Variants in CCDC7 observed in about 807,000 individuals in gnomAD.
CCDC7 encodes the protein coiled-coil domain containing 7.
Under a neutral mutation model 196.9 loss-of-function variants are expected in CCDC7, and 183 were observed. The observed-to-expected ratio is 0.93, with a 90% CI of 0.82 to 1.05. CCDC7 has a LOEUF of 1.05. Ranked by LOEUF, CCDC7 falls within the 50% of genes least tolerant of loss-of-function variation. The probability of loss-of-function intolerance (pLI) is 0.00; values close to 1 mark genes in which losing one functional copy is unlikely to be tolerated. For missense variants in CCDC7, 1,540 were observed against 1,482.2 expected (o/e 1.04, Z -0.64); for synonymous variants, 525 against 484.6 (o/e 1.08, Z -1.10).
At chr10:32,540,812 T>C (rs2051282122) in intron 11 of CCDC7, among the ~76,000 whole-genome samples, 1 of 152,168 alleles carries the variant, frequency 6.6e-6, no homozygotes, top group South Asian at 2.1e-4. Flanking sequence ...ATTTTTTCTT[T>C]CATGTTGACC....
intron 41 of CCDC7, among the ~76,000 whole-genome samples, chr10:32,860,644 T>A (rs553458929): frequency 3.3e-5 from 5 of 152,342 alleles, no homozygotes; most frequent in African/African-American, 1.2e-4. Context: ...GCAGATGACA[T>A]GATTGTATAT....
intron 1 of CCDC7, among the ~76,000 whole-genome samples, chr10:32,452,572 C>G (rs1283127423): frequency 6.6e-6 from 1 of 152,246 alleles, no homozygotes. Context: ...ATTTTCCTGT[C>G]TCAGTCTCCC....
In CCDC7 at chr10:32,729,010, A is replaced by C. The variant is rs181868218; in HGVS notation, c.2779+13A>C. The C allele has an allele frequency of 3.5e-5, 52 of 1,492,538 alleles. No homozygotes were observed. In the Admixed American group the frequency reaches 6.4e-4, roughly 18 times the overall value. The allele number at this position is 1,492,538 out of a possible 1,614,324, so 92.5% of individuals were successfully genotyped here. The stretch of plus-strand genomic sequence containing the variant: ...GAAAGACACAAGAGTGAGTATAATA[A>C]TTATCGATAACTTTAAATTATTTTA... On this transcript the variant is annotated intron_variant, in intron 27 of 41. Transcript: ENST00000639629.
rs1730496950 is a variant in CCDC7, at chr10:32,689,531, T to C, written c.2344+368T>C. Among the ~76,000 whole-genome samples the C allele has an allele frequency of 2.6e-5, 4 of 152,072 alleles. 1 individual carries two copies. Among genetic ancestry groups the C allele is most frequent in the Admixed American group, 2.6e-4 (4 of 15,268 alleles). On this transcript the variant is annotated intron_variant, in intron 23 of 41. Transcript: ENST00000639629. ...CAAAGATATTGCTAAGATCTGCAAC[T>C]CAAAACAGCAAATGGGGATCATAAT...
upstream of CCDC7, among the ~76,000 whole-genome samples, chr10:32,449,407 C>T (rs970470956): frequency 2.0e-5 from 3 of 152,198 alleles, no homozygotes; most frequent in African/African-American, 4.8e-5. Context: ...AGGCTGGTCT[C>T]GAACTCCTGA....
At chr10:32,717,265 C>T (rs1208791011) in intron 25 of CCDC7, among the ~76,000 whole-genome samples, 1 of 152,156 alleles carries the variant, frequency 6.6e-6, no homozygotes, top group Non-Finnish European at 1.5e-5. Flanking sequence ...ACTGAACAAC[C>T]TGCTCCTGAA....
intron 28 of CCDC7, among the ~76,000 whole-genome samples, chr10:32,730,223 C>T (rs2083728329): frequency 6.6e-6 from 1 of 152,028 alleles, no homozygotes; most frequent in East Asian, 1.9e-4. Context: ...TGTTCAACTC[C>T]CATTTATAAG....
At chr10:32,485,348 T>C (rs1418579984) in intron 8 of CCDC7, among the ~76,000 whole-genome samples, 1 of 152,252 alleles carries the variant, frequency 6.6e-6, no homozygotes, top group African/African-American at 2.4e-5. Context: ...ATATCCCCTT[T>C]ATCATTTTTT....
At chr10:32,584,752 CAAAAAAAAAAAA>C (rs749922864) in intron 18 of CCDC7, among the ~76,000 whole-genome samples, 2 of 56,316 alleles carry the variant, frequency 3.6e-5, no homozygotes, top group African/African-American at 1.9e-4. Context: ...CACTTCATCT[CAAAAAAAAAAAA>C]AAAAAAAAAA....
At chr10:32,783,281 C>T (rs1469795476) in intron 29 of CCDC7, among the ~76,000 whole-genome samples, 1 of 152,078 alleles carries the variant, frequency 6.6e-6, no homozygotes, top group African/African-American at 2.4e-5. Context: ...GGCTTAATGT[C>T]TAGAATATAC....
Position 32,845,812 on chromosome 10 carries a change from TAC to T in CCDC7, c.3521-58_3521-57del, listed in dbSNP as rs1215136711. ...ACACACACATACACACACACACAGATACACACAGAGGTATGGTAATGTTTACC... is the reference window on the plus strand; with the variant it reads ...ACACACACATACACACACACACAGATACACAGAGGTATGGTAATGTTTACC... On this transcript the variant is annotated intron_variant, in intron 35 of 41. Coordinates refer to ENST00000639629, the Ensembl canonical transcript of CCDC7. 129 of 1,215,768 alleles carry T rather than the reference TAC, an allele frequency of 1.1e-4. No homozygotes were observed. The South Asian group carries it at 1.6e-3, about 15-fold the overall frequency. 75.3% of individuals were successfully genotyped at this position (1,215,768 alleles called of 1,614,324 possible).
chr10:32,581,579 C>G (rs72795557), intron 16 of CCDC7, among the ~76,000 whole-genome samples: 13,052 of 152,134 alleles, frequency 0.086, 878 homozygotes, highest in South Asian at 0.25. Flanking sequence ...GTTTTTATTC[C>G]TGACCCCCTC....
intron 11 of CCDC7, among the ~76,000 whole-genome samples, chr10:32,535,407 A>T (rs1293121820): frequency 1.3e-5 from 2 of 152,156 alleles, no homozygotes; most frequent in African/African-American, 4.8e-5. Context: ...TTGGTTTTAT[A>T]CATTTTAGGG....
chr10:32,618,220 A>G (rs1322472266), intron 18 of CCDC7, among the ~76,000 whole-genome samples: 1 of 151,870 alleles, frequency 6.6e-6, no homozygotes, highest in East Asian at 1.9e-4. Flanking sequence ...GGAGCATTTA[A>G]CCTATTAAAG....
At chr10:32,597,739 ACAGT>A (rs1031195052) in intron 18 of CCDC7, among the ~76,000 whole-genome samples, 2 of 152,160 alleles carry the variant, frequency 1.3e-5, no homozygotes, top group African/African-American at 4.8e-5. Flanking sequence ...TTTCCTTCTA[ACAGT>A]CAGGACCGTC....
intron 5 of CCDC7, among the ~76,000 whole-genome samples, chr10:32,470,753 G>A (rs981772491): frequency 1.3e-5 from 2 of 152,066 alleles, no homozygotes; most frequent in Non-Finnish European, 2.9e-5. Context: ...AATTTAGAAT[G>A]ACTCTTGTAA....
chr10:32,694,424 G>C (rs2077449057), intron 23 of CCDC7, among the ~76,000 whole-genome samples: 1 of 152,118 alleles, frequency 6.6e-6, no homozygotes, highest in African/African-American at 2.4e-5. Flanking sequence ...GTGTCATTTT[G>C]CTTAAGGTCA....
At chr10:32,654,465 G>C (rs1435158036) in intron 20 of CCDC7, among the ~76,000 whole-genome samples, 1 of 152,114 alleles carries the variant, frequency 6.6e-6, no homozygotes, top group Non-Finnish European at 1.5e-5. Flanking sequence ...CCCAGGGTTT[G>C]TTATTTTGCT....
At chr10:32,689,239 C>T in intron 23 of CCDC7, 76 bp downstream of exon 24, 1 of 968,006 alleles carries the variant, frequency 1.0e-6, no homozygotes, top group South Asian at 1.7e-5. Flanking sequence ...CTTTGATTCA[C>T]AAAAGTTTTA....
Sources: gnomAD v4.1 joint callset for allele counts (sites outside exome capture counted in the v4.1 genomes callset) on GRCh38, gnomAD v4.1.1 for gene constraint, MANE v1.5 for transcripts, NCBI Gene and HGNC (gene_info 2026-07-23, HGNC 2026-07-21) for gene names.